Variants in NTM observed in about 807,000 individuals in gnomAD.
NTM encodes IgLON family member 2.
In NTM, 13 loss-of-function variants were observed where a neutral mutation model predicts 42.1. That is an observed-to-expected ratio of 0.31 (90% confidence interval 0.20 to 0.49). The LOEUF (loss-of-function observed/expected upper bound fraction) is 0.49, where lower values mean the gene tolerates loss of function less well. Among genes scored for constraint, NTM ranks in the 20% least tolerant of loss-of-function variants. The pLI is 0.99. For missense variants in NTM, 373 were observed against 452.8 expected, an observed-to-expected ratio of 0.82 and a Z score of 1.60; for synonymous variants, 187 against 179.2, an observed-to-expected ratio of 1.04 and a Z score of -0.35.
chr11:131,485,894 C>A (rs1250140223), intron 1 of NTM, among the ~76,000 whole-genome samples: 1 of 152,124 alleles, frequency 6.6e-6, no homozygotes, highest in Non-Finnish European at 1.5e-5. Flanking sequence ...TTCTCGAGAT[C>A]CTAGGCAGGG....
intron 4 of NTM, among the ~76,000 whole-genome samples, chr11:132,215,469 C>A (rs2083651932): frequency 6.6e-6 from 1 of 152,002 alleles, no homozygotes; most frequent in African/African-American, 2.4e-5. Flanking sequence ...GAAAGGAGTA[C>A]AGAAATGTTA....
chr11:131,872,168 C>T lies in NTM; in HGVS notation c.83-39396C>T, dbSNP rs531553064. Among the ~76,000 whole-genome samples the T allele has an allele frequency of 5.3e-5, 8 of 152,274 alleles. No individual in the cohort carries two copies. The South Asian group carries it at 8.3e-4, about 16-fold the overall frequency. On this transcript the variant is annotated intron_variant, in intron 1 of 8. Coordinates refer to ENST00000683400, the MANE Select transcript of NTM (RefSeq NM_001352005.2). ...CTCAATCAAGAGTAAAGCAGGGTCACGCAGATCTGGCACAAACTATTCACA... is the reference window on the plus strand; with the variant it reads ...CTCAATCAAGAGTAAAGCAGGGTCATGCAGATCTGGCACAAACTATTCACA...
intron 1 of NTM, among the ~76,000 whole-genome samples, chr11:131,874,845 A>AT (rs34343834): frequency 3.7e-4 from 56 of 152,268 alleles, no homozygotes; most frequent in African/African-American, 1.2e-3. Context: ...TATCAGTTGG[A>AT]TTTTCTGTAC....
At chr11:131,940,786 T>A (rs1018558129) in intron 2 of NTM, among the ~76,000 whole-genome samples, 1 of 152,236 alleles carries the variant, frequency 6.6e-6, no homozygotes, top group African/African-American at 2.4e-5. Flanking sequence ...AGGGGATTTG[T>A]CACTGAATCT....
At chr11:132,148,409 G>C (rs1212136825) in intron 3 of NTM, among the ~76,000 whole-genome samples, 2 of 152,236 alleles carry the variant, frequency 1.3e-5, no homozygotes, top group Admixed American at 6.5e-5. Context: ...TACTCTACCA[G>C]GTGGTGGTTT....
chr11:132,336,775 G>T lies in NTM; in HGVS notation c.*1629G>T, dbSNP rs1477276832. 2 of 152,096 alleles carry T rather than the reference G, an allele frequency of 1.3e-5. No homozygotes were observed. The highest frequency in any genetic ancestry group is 4.2e-4 in the South Asian group (2 of 4,812). The allele number at this position is 152,096 out of a possible 1,614,324, so 9.4% of individuals were successfully genotyped here. On this transcript the variant is annotated 3_prime_UTR_variant, in exon 9 of 9. Coordinates refer to ENST00000683400, the MANE Select transcript of NTM (RefSeq NM_001352005.2). Reference sequence around the variant, plus strand: ...GGGGGATTGGGGGATCCGGGAGGGTGGGGTTGTCTCTGACTTGACATTAAA... The same window carrying T: ...GGGGGATTGGGGGATCCGGGAGGGTTGGGTTGTCTCTGACTTGACATTAAA...
chr11:132,060,228 TTCTTTCAACACTTAAGTG>T (rs2080427604), intron 2 of NTM, among the ~76,000 whole-genome samples: 1 of 152,250 alleles, frequency 6.6e-6, no homozygotes, highest in Non-Finnish European at 1.5e-5. Context: ...TCGTTCTAGA[TTCTTTCAACACTTAAGTG>T]TCTTATTACA....
intron 1 of NTM, among the ~76,000 whole-genome samples, chr11:131,583,177 A>G (rs2058567684): frequency 1.3e-5 from 2 of 152,140 alleles, no homozygotes. Flanking sequence ...ATGTTCTTCC[A>G]ATTGGATTCA....
Position 131,613,589 on chromosome 11 carries a change from G to A in NTM, c.82+242701G>A, listed in dbSNP as rs374012587. On this transcript the variant is annotated intron_variant, in intron 1 of 8. Transcript: ENST00000683400. Reference sequence around the variant, plus strand: ...AATCTACTATGACTCAAGTTCAACCGTCTCATTTTAAAATGTGACTAATTC... The same window carrying A: ...AATCTACTATGACTCAAGTTCAACCATCTCATTTTAAAATGTGACTAATTC... 1.5e-4 allele frequency among the ~76,000 whole-genome samples: 23 copies of A among 152,206 alleles called. No homozygotes were observed. The East Asian group carries it at 2.5e-3, about 17-fold the overall frequency.
chr11:131,947,506 C>G (rs1192474504), intron 2 of NTM, among the ~76,000 whole-genome samples: 1 of 152,080 alleles, frequency 6.6e-6, no homozygotes, highest in Admixed American at 6.5e-5. Flanking sequence ...TAGAAACACT[C>G]AGAAAGTGGT....
intron 1 of NTM, among the ~76,000 whole-genome samples, chr11:131,904,514 G>C (rs946291160): frequency 3.3e-5 from 5 of 152,172 alleles, no homozygotes; most frequent in Non-Finnish European, 1.5e-5. Flanking sequence ...AATTAGGAGA[G>C]ATGAGGCAGG....
intron 1 of NTM, chr11:131,910,829 G>A: frequency 4.1e-6 from 4 of 984,936 alleles, no homozygotes; most frequent in Non-Finnish European, 4.8e-6. Context: ...CGGCCGCAGC[G>A]CGCATTTGGG....
At chr11:132,061,059 G>A (rs148703581) in intron 2 of NTM, among the ~76,000 whole-genome samples, 92 of 152,242 alleles carry the variant, frequency 6.0e-4, no homozygotes, top group Middle Eastern at 6.8e-3. Flanking sequence ...TAGTAGTGCT[G>A]CAGCACAATT....
chr11:132,101,004 G>A (rs2061557307), intron 2 of NTM, among the ~76,000 whole-genome samples: 1 of 152,202 alleles, frequency 6.6e-6, no homozygotes, highest in Admixed American at 6.5e-5. Flanking sequence ...GTATCTGAGT[G>A]TTTCAATAAA....
At chr11:132,254,310 C>T (rs1323827167) in intron 4 of NTM, among the ~76,000 whole-genome samples, 1 of 152,016 alleles carries the variant, frequency 6.6e-6, no homozygotes, top group African/African-American at 2.4e-5. Context: ...CCACTTGTCT[C>T]CTGGTTGCTT....
At chr11:131,793,360 C>A (rs142067289) in intron 1 of NTM, among the ~76,000 whole-genome samples, 1 of 152,296 alleles carries the variant, frequency 6.6e-6, no homozygotes, top group African/African-American at 2.4e-5. Flanking sequence ...ATCCTCAGCA[C>A]TTAATATTTA....
intron 1 of NTM, among the ~76,000 whole-genome samples, chr11:131,453,424 C>G (rs982761193): frequency 7.2e-5 from 11 of 152,000 alleles, no homozygotes; most frequent in African/African-American, 2.7e-4. Flanking sequence ...ACCAACAACC[C>G]TATTATGAAT....
chr11:132,057,143 G>C (rs556544915), intron 2 of NTM, among the ~76,000 whole-genome samples: 1 of 152,178 alleles, frequency 6.6e-6, no homozygotes, highest in Admixed American at 6.5e-5. Context: ...AGCCTCAATC[G>C]GGTGCTTATC....
chr11:131,678,044 T>A (rs549952882), intron 1 of NTM, among the ~76,000 whole-genome samples: 3 of 152,366 alleles, frequency 2.0e-5, no homozygotes, highest in African/African-American at 7.2e-5. Context: ...CTCAGCTTTA[T>A]TTATTTACTG....
Sources: allele counts gnomAD v4.1 joint callset (sites outside exome capture counted in the v4.1 genomes callset), GRCh38; gene constraint gnomAD v4.1.1; transcripts MANE v1.5; gene names NCBI Gene and HGNC (gene_info 2026-07-23, HGNC 2026-07-21).